Variants in PRH1 observed in about 807,000 individuals in gnomAD.
The protein encoded by PRH1 is proline rich protein HaeIII subfamily 1, also known as salivary acidic proline-rich phosphoprotein 1/2.
Under a neutral mutation model 7.9 loss-of-function variants are expected in PRH1, and 7 were observed. The observed-to-expected ratio is 0.89, with a 90% CI of 0.50 to 1.67. The LOEUF is 1.67. Among genes scored for constraint, PRH1 ranks in the 40% most tolerant of loss-of-function variants. The probability of loss-of-function intolerance (pLI) is 0.00; values close to 1 mark genes in which losing one functional copy is unlikely to be tolerated. For missense variants in PRH1, 109 were observed against 223.6 expected (o/e 0.49, Z 3.27); for synonymous variants, 45 against 80.8 (o/e 0.56, Z 2.38).
At chr12:10,941,684 T>C (rs1249692475) in intron 2 of PRH1, among the ~76,000 whole-genome samples, 1 of 152,116 alleles carries the variant, frequency 6.6e-6, no homozygotes, top group Non-Finnish European at 1.5e-5. Flanking sequence ...GCCTTTCTGA[T>C]TAGCTTAATA....
intron 1 of PRH1, among the ~76,000 whole-genome samples, chr12:11,143,195 A>G (rs532516672): frequency 1.3e-5 from 2 of 152,204 alleles, no homozygotes; most frequent in Non-Finnish European, 2.9e-5. Flanking sequence ...AAAGTTAAAA[A>G]CTGAGAAGAT....
intron 1 of PRH1, among the ~76,000 whole-genome samples, chr12:11,132,160 T>C (rs1247108490): frequency 6.6e-6 from 1 of 152,252 alleles, no homozygotes; most frequent in Non-Finnish European, 1.5e-5. Flanking sequence ...TTCCTTCTTA[T>C]AATAGAACTT....
intron 1 of PRH1, among the ~76,000 whole-genome samples, chr12:10,984,099 T>C (rs1255118036): frequency 1.3e-5 from 2 of 149,830 alleles, no homozygotes; most frequent in East Asian, 3.9e-4. Context: ...TTTTTTTTAA[T>C]GAAATGCCAT....
intron 2 of PRH1, among the ~76,000 whole-genome samples, chr12:10,972,928 A>AACCCCCCCCCCCC (rs1555119295): frequency 1.0e-5 from 1 of 100,326 alleles, no homozygotes; most frequent in Non-Finnish European, 2.1e-5. Flanking sequence ...AAGCACCACA[A>AACCCCCCCCCCCC]CCCACCCCCC....
intron 1 of PRH1, among the ~76,000 whole-genome samples, chr12:11,003,538 GCCA>G (rs756109990): frequency 6.6e-6 from 1 of 151,528 alleles, no homozygotes; most frequent in Non-Finnish European, 1.5e-5. Flanking sequence ...TTACAGTTTT[GCCA>G]CCAATGTAAT....
intron 1 of PRH1, chr12:11,061,531 A>C (rs1265270171): frequency 6.2e-7 from 1 of 1,614,136 alleles, no homozygotes; most frequent in Admixed American, 1.7e-5. Flanking sequence ...TTTGTTTTCC[A>C]GACTCTCAAA....
Position 11,149,747 on chromosome 12 carries a change from A to T in PRH1, n.39+21675T>A, listed in dbSNP as rs534410645. On this transcript the variant is annotated intron_variant and non_coding_transcript_variant, in intron 1 of 1. Coordinates refer to the PRH1 transcript ENST00000541175. ...GAAAACCTAGGCATTACCATTCAGG[A>T]CATAGGCATGGGCAAGGACTTCATG... 8.5e-4 allele frequency among the ~76,000 whole-genome samples: 118 copies of T among 139,504 alleles called. 2 individuals are homozygous for T. Among genetic ancestry groups the T allele is most frequent in the Admixed American group, 7.5e-3 (102 of 13,624 alleles). 91.5% of individuals were successfully genotyped at this position (139,504 alleles called of 152,430 possible).
At chr12:11,152,702 A>G (rs1947136486) in intron 1 of PRH1, among the ~76,000 whole-genome samples, 1 of 152,182 alleles carries the variant, frequency 6.6e-6, no homozygotes, top group Admixed American at 6.5e-5. Flanking sequence ...GTGCTCTCCC[A>G]CTGTGGGCAA....
At chr12:10,913,612 G>A (rs541217798) in intron 2 of PRH1, among the ~76,000 whole-genome samples, 67 of 152,210 alleles carry the variant, frequency 4.4e-4, no homozygotes, top group Admixed American at 9.2e-4. Context: ...TCGTAAAATG[G>A]GACCTAGAGC....
At chr12:11,118,646 A>G (rs1945799784), downstream of PRH1, among the ~76,000 whole-genome samples, 1 of 152,172 alleles carries the variant, frequency 6.6e-6, no homozygotes, top group African/African-American at 2.4e-5. Flanking sequence ...CACTGTTCAC[A>G]ATAGCCAAGA....
intron 1 of PRH1, among the ~76,000 whole-genome samples, chr12:11,067,131 A>T (rs73053099): frequency 0.45 from 67,211 of 150,746 alleles, 15,406 homozygotes; most frequent in Non-Finnish European, 0.52. Flanking sequence ...AAGTAGCATT[A>T]TATATGCACA....
chr12:11,058,529 C>T (rs578097604), intron 1 of PRH1, among the ~76,000 whole-genome samples: 16 of 152,292 alleles, frequency 1.1e-4, no homozygotes, highest in Non-Finnish European at 1.9e-4. Flanking sequence ...ACATATTCCA[C>T]ATTTGAGAAT....
chr12:11,022,126 A>G (rs376754166), intron 1 of PRH1: 2 of 1,613,910 alleles, frequency 1.2e-6, no homozygotes, highest in Non-Finnish European at 1.7e-6. Context: ...TCTCTCATCC[A>G]TGGTTATCAC....
chr12:10,954,067 G>A lies in PRH1; in HGVS notation c.-59+19588C>T, dbSNP rs74714451. The stretch of plus-strand genomic sequence containing the variant: ...TTTTTCAGACAAACAAATGCTAAGG[G>A]ATTTGATTACCACCAGACCCACCTC... On this transcript the variant is annotated intron_variant, in intron 2 of 3. Coordinates refer to the PRH1 transcript ENST00000539853. Among the ~76,000 whole-genome samples, 1,026 of 152,204 alleles carry A rather than the reference G, an allele frequency of 6.7e-3. 23 individuals are homozygous for A. Among genetic ancestry groups the A allele is most frequent in the African/African-American group, 0.024 (992 of 41,524 alleles).
At position 10,962,772 on chromosome 12, in the gene PRH1, G is replaced by T. The variant is rs116859109; in HGVS notation, c.-59+10883C>A. ...AAGGTCTGCAGGATCTCTGTTTTTTGTTGTTGTTGTTTTTTGAGACGGAGT... is the reference window on the plus strand; with the variant it reads ...AAGGTCTGCAGGATCTCTGTTTTTTTTTGTTGTTGTTTTTTGAGACGGAGT... On this transcript the variant is annotated intron_variant, in intron 2 of 3. Transcript: ENST00000539853. Among the ~76,000 whole-genome samples, 273 of 152,264 alleles carry T rather than the reference G, an allele frequency of 1.8e-3. 4 individuals are homozygous for T. The East Asian group carries it at 0.044, about 25-fold the overall frequency.
chr12:11,072,354 C>T (rs1283739434), intron 1 of PRH1, among the ~76,000 whole-genome samples: 2 of 152,034 alleles, frequency 1.3e-5, no homozygotes, highest in Non-Finnish European at 2.9e-5. Context: ...CAAGGTGGAT[C>T]TAATCAGTTT....
intron 2 of PRH1, among the ~76,000 whole-genome samples, chr12:10,941,605 A>G (rs1372017921): frequency 1.3e-5 from 2 of 151,234 alleles, no homozygotes; most frequent in African/African-American, 2.4e-5. Context: ...ATTTATTTGA[A>G]TATTTCTCCC....
chr12:10,883,185 C>A (rs1949436035), intron 1 of PRH1, 89 bp from the exon 2 acceptor site: 2 of 1,432,784 alleles, frequency 1.4e-6, no homozygotes, highest in Admixed American at 3.4e-5. Context: ...GACCTCTGAT[C>A]ACACCCTGTG....
At chr12:11,108,784 T>A (rs1305285918) in intron 1 of PRH1, among the ~76,000 whole-genome samples, 1 of 152,174 alleles carries the variant, frequency 6.6e-6, no homozygotes, top group East Asian at 1.9e-4. Context: ...TTTTTTGTCA[T>A]ACCCCAGTGG....
Sources: allele counts gnomAD v4.1 joint callset (sites outside exome capture counted in the v4.1 genomes callset), GRCh38; gene constraint gnomAD v4.1.1; transcripts MANE v1.5; gene names NCBI Gene and HGNC (gene_info 2026-07-23, HGNC 2026-07-21).